Variants in TNIP1 observed in about 807,000 individuals in gnomAD.
TNIP1 encodes the protein TNFAIP3-interacting protein 1.
A neutral mutation model predicts 86.6 loss-of-function variants in TNIP1; 22 were observed. The ratio of observed to expected loss-of-function variants is 0.25; its 90% CI spans 0.18 to 0.36. The LOEUF is 0.36. Ranked by LOEUF, TNIP1 falls within the 10% of genes least tolerant of loss-of-function variation. The pLI is 1.00. For missense variants in TNIP1, 709 were observed against 820.6 expected (o/e 0.86, Z 1.66); for synonymous variants, 294 against 313.0 (o/e 0.94, Z 0.64).
intron 12 of TNIP1, chr5:151,037,220 A>C (rs1200566159): frequency 4.4e-6 from 1 of 227,796 alleles, no homozygotes; most frequent in East Asian, 1.4e-4. Flanking sequence ...CACAGCTAGT[A>C]AGTGGCAGAG....
chr5:151,082,395 TCCTA>T (rs995374775), upstream of TNIP1, among the ~76,000 whole-genome samples: 14 of 152,254 alleles, frequency 9.2e-5, 2 homozygotes, highest in East Asian at 1.9e-4. Context: ...CACTGGGGGA[TCCTA>T]CAGAGAAACT....
At chr5:151,070,246 A>G (rs1344164661) in intron 1 of TNIP1, among the ~76,000 whole-genome samples, 1 of 152,270 alleles carries the variant, frequency 6.6e-6, no homozygotes, top group Non-Finnish European at 1.5e-5. Context: ...TGATTATCTG[A>G]TTTAACAAGA....
chr5:151,063,570 T>G (rs1452940457), intron 3 of TNIP1, 43 bp downstream of exon 3: 16 of 1,600,854 alleles, frequency 1.0e-5, no homozygotes, highest in Non-Finnish European at 1.4e-5. Flanking sequence ...TTGGGCAGTT[T>G]GGGGTACAGG....
chr5:151,034,038 G>C (rs1272458282), intron 15 of TNIP1, among the ~76,000 whole-genome samples: 1 of 151,920 alleles, frequency 6.6e-6, no homozygotes, highest in African/African-American at 2.4e-5. Context: ...CACATGCATG[G>C]AAGGTTGTGA....
At chr5:151,036,579 T>C (rs1757730768) in intron 13 of TNIP1, among the ~76,000 whole-genome samples, 1 of 152,224 alleles carries the variant, frequency 6.6e-6, no homozygotes, top group African/African-American at 2.4e-5. Flanking sequence ...GGCATAGAGA[T>C]GGCTAAATCA....
chr5:151,055,198 C>T (rs1032822365), intron 6 of TNIP1, among the ~76,000 whole-genome samples: 1 of 151,990 alleles, frequency 6.6e-6, no homozygotes, highest in Non-Finnish European at 1.5e-5. Flanking sequence ...GCCTGCCCCC[C>T]TCAAGCTTAC....
At chr5:151,083,256 C>T (rs757072872), upstream of TNIP1, among the ~76,000 whole-genome samples, 1 of 152,208 alleles carries the variant, frequency 6.6e-6, no homozygotes, top group African/African-American at 2.4e-5. Context: ...TCATGTGAAT[C>T]ATGAGGATAA....
Position 151,062,410 on chromosome 5 carries a change from C to G in TNIP1, c.272-198G>C, listed in dbSNP as rs147199287. ...CTGGAGTGACGGGGCAGAGCCTGAG[C>G]AGAGAGACCATGCTCCCTGGGCTTA... On this transcript the variant is annotated intron_variant, in intron 3 of 17. Coordinates refer to ENST00000521591, the MANE Select transcript of TNIP1 (RefSeq NM_006058.5). Among the ~76,000 whole-genome samples the G allele has an allele frequency of 3.8e-3, 578 of 152,310 alleles. 2 individuals are homozygous for G. The highest frequency in any genetic ancestry group is 0.014 in the African/African-American group (563 of 41,542).
intron 8 of TNIP1, among the ~76,000 whole-genome samples, chr5:151,046,892 C>T (rs1160268665): frequency 1.3e-5 from 2 of 152,088 alleles, no homozygotes; most frequent in Non-Finnish European, 2.9e-5. Context: ...ACAGCTCTTC[C>T]TTACAAAAGA....
intron 17 of TNIP1, among the ~76,000 whole-genome samples, chr5:151,031,484 G>A (rs1756881544): frequency 6.6e-6 from 1 of 152,224 alleles, no homozygotes; most frequent in Non-Finnish European, 1.5e-5. Context: ...CTTTTCACGA[G>A]TGGACACAGC....
intron 5 of TNIP1, among the ~76,000 whole-genome samples, chr5:151,059,772 CGAGAGACAGA>C (rs1422576544): frequency 1.3e-4 from 9 of 67,552 alleles, no homozygotes; most frequent in African/African-American, 3.9e-4. Context: ...CAGAGCTGTA[CGAGAGACAGA>C]GAGAGAGAGA....
intron 11 of TNIP1, 95 bp downstream of exon 11, chr5:151,042,445 G>C (rs1758546610): frequency 2.0e-6 from 3 of 1,529,148 alleles, no homozygotes; most frequent in Non-Finnish European, 2.6e-6. Flanking sequence ...AGACCCCCGG[G>C]TCTCCTGACT....
At chr5:151,052,349 CA>C in intron 6 of TNIP1, 90 bp from the exon 7 acceptor site, 2 of 1,064,480 alleles carry the variant, frequency 1.9e-6, no homozygotes, top group Non-Finnish European at 2.8e-6. Context: ...GGCCTGTAGC[CA>C]CCCCAGGGCC....
At position 151,065,292 on chromosome 5, in the gene TNIP1, C is replaced by G. The variant is rs143557875; in HGVS notation, c.-36-161G>C. 1.4e-3 allele frequency among the ~76,000 whole-genome samples: 214 copies of G among 152,328 alleles called. 1 individual carries two copies. The highest frequency in any genetic ancestry group is 4.8e-3 in the African/African-American group (198 of 41,572). ...GGACAGTCACCTCCTTTTATCTGGA[C>G]GCTCTGCCTCTATTAATACAACCTT... On this transcript the variant is annotated intron_variant, in intron 1 of 17. Transcript: ENST00000521591.
intron 5 of TNIP1, among the ~76,000 whole-genome samples, chr5:151,059,075 G>A (rs1430253513): frequency 6.6e-6 from 1 of 152,234 alleles, no homozygotes; most frequent in Admixed American, 6.5e-5. Context: ...CTCATGCGAT[G>A]CTTCCCATGC....
chr5:151,062,318 C>CCA, intron 3 of TNIP1, 106 bp from the exon 4 acceptor site: 3 of 1,027,314 alleles, frequency 2.9e-6, no homozygotes, highest in Non-Finnish European at 4.5e-6. Flanking sequence ...ACAGGATTCC[C>CCA]CACTCGAGTG....
chr5:151,085,289 A>G (rs1273748884), upstream of TNIP1, among the ~76,000 whole-genome samples: 1 of 152,198 alleles, frequency 6.6e-6, no homozygotes, highest in African/African-American at 2.4e-5. Flanking sequence ...TGACAATCAA[A>G]TGCCACAAGG....
rs200244992 is a variant in TNIP1, at chr5:151,042,658, C to A, written c.1016G>T (p.Arg339Leu). Residue 339 changes from arginine (R) to leucine (L), a missense_variant, in exon 11 of 18, where the codon CGT (arginine) becomes CTT (leucine). Arg to Leu is a moderately radical substitution (Grantham distance 102). Coordinates refer to ENST00000521591, the MANE Select transcript of TNIP1 (RefSeq NM_006058.5). ...CTTCTGCAAATCAGCCAGCTTCTGA[C>A]GCAGCTCAGTGATCTGGGTTCAGAG... ...QQYEQKITEL[R>L]QKLADLQKQV... 4 of 1,613,912 alleles carry A rather than the reference C, an allele frequency of 2.5e-6. No homozygotes were observed. The Admixed American group carries it at 6.7e-5, about 27-fold the overall frequency.
chr5:151,037,875 C>T (rs914026253), intron 12 of TNIP1, among the ~76,000 whole-genome samples: 8 of 152,148 alleles, frequency 5.3e-5, no homozygotes, highest in East Asian at 1.9e-4. Flanking sequence ...CAGGATGCTC[C>T]GAGGGGAAGT....
Sources: allele counts gnomAD v4.1 joint callset (sites outside exome capture counted in the v4.1 genomes callset), GRCh38; gene constraint gnomAD v4.1.1; transcripts MANE v1.5; gene names NCBI Gene and HGNC (gene_info 2026-07-23, HGNC 2026-07-21).